PDE4B: variants seen among roughly 807,000 people sequenced by gnomAD.
The protein encoded by PDE4B is phosphodiesterase 4B.
A neutral mutation model predicts 82.2 loss-of-function variants in PDE4B; 20 were observed. The observed-to-expected ratio is 0.24, with a 90% confidence interval of 0.17 to 0.35. The LOEUF (loss-of-function observed/expected upper bound fraction) is 0.35. Ranked by LOEUF, PDE4B falls within the 10% of genes least tolerant of loss-of-function variation. The pLI, the probability that PDE4B is intolerant of heterozygous loss-of-function variation, is 1.00. For synonymous variants in PDE4B, 320 were observed against 318.9 expected, an observed-to-expected ratio of 1.00 and a Z score of -0.04; for missense variants, 655 against 907.2, an observed-to-expected ratio of 0.72 and a Z score of 3.57.
At chr1:66,174,195 G>C (rs12062877) in intron 3 of PDE4B, among the ~76,000 whole-genome samples, 1 of 152,112 alleles carries the variant, frequency 6.6e-6, no homozygotes, top group African/African-American at 2.4e-5. Flanking sequence ...ATTACACCAC[G>C]TCAATTAATT....
At chr1:66,358,532 G>A (rs947974906) in intron 9 of PDE4B, among the ~76,000 whole-genome samples, 10 of 151,908 alleles carry the variant, frequency 6.6e-5, no homozygotes, top group African/African-American at 2.2e-4. Flanking sequence ...AAAATAGCTG[G>A]GCATGGTGGT....
At chr1:66,148,588 T>C (rs1056491920) in intron 3 of PDE4B, among the ~76,000 whole-genome samples, 20 of 152,188 alleles carry the variant, frequency 1.3e-4, no homozygotes, top group African/African-American at 4.1e-4. Flanking sequence ...TCAACCACAT[T>C]TAAGTTTAAA....
chr1:66,290,732 A>G (rs1171443684), intron 7 of PDE4B, among the ~76,000 whole-genome samples: 1 of 152,192 alleles, frequency 6.6e-6, no homozygotes, highest in African/African-American at 2.4e-5. Flanking sequence ...ATCCCTTACT[A>G]GTATGCTAGC....
chr1:65,997,762 C>G (rs1344245722), intron 3 of PDE4B, among the ~76,000 whole-genome samples: 1 of 152,160 alleles, frequency 6.6e-6, no homozygotes, highest in African/African-American at 2.4e-5. Context: ...AGAAAAAGCC[C>G]TTGTCTTCAA....
At chr1:66,156,972 C>T (rs1646513637) in intron 3 of PDE4B, among the ~76,000 whole-genome samples, 1 of 152,162 alleles carries the variant, frequency 6.6e-6, no homozygotes. Context: ...AAGCTGATGG[C>T]TCCCAATTTC....
chr1:65,939,317 TG>T (rs1297930130), intron 3 of PDE4B, among the ~76,000 whole-genome samples: 1 of 152,074 alleles, frequency 6.6e-6, no homozygotes, highest in Admixed American at 6.6e-5. Context: ...GCCCTTGAAA[TG>T]AAGAGGCATC....
chr1:65,853,582 T>C (rs982551174), intron 1 of PDE4B, among the ~76,000 whole-genome samples: 4 of 151,738 alleles, frequency 2.6e-5, no homozygotes, highest in African/African-American at 9.7e-5. Flanking sequence ...CAGGCTAGAG[T>C]CCAGTGGCAC....
At chr1:66,138,066 C>T (rs1382694404) in intron 3 of PDE4B, among the ~76,000 whole-genome samples, 2 of 152,130 alleles carry the variant, frequency 1.3e-5, no homozygotes, top group African/African-American at 2.4e-5. Context: ...TATTAAATGA[C>T]AAAGCTAGGC....
intron 4 of PDE4B, among the ~76,000 whole-genome samples, chr1:66,251,424 A>G (rs1247190529): frequency 6.6e-6 from 1 of 152,214 alleles, no homozygotes; most frequent in Non-Finnish European, 1.5e-5. Context: ...AAATAATGCT[A>G]TTAATTTCTG....
intron 3 of PDE4B, among the ~76,000 whole-genome samples, chr1:66,081,532 T>A (rs1289661550): frequency 6.6e-6 from 1 of 152,138 alleles, no homozygotes; most frequent in Non-Finnish European, 1.5e-5. Flanking sequence ...CTATACTAAT[T>A]TCTCAAGTAG....
chr1:65,896,997 A>C (rs560256322), intron 1 of PDE4B, among the ~76,000 whole-genome samples: 30 of 152,288 alleles, frequency 2.0e-4, no homozygotes, highest in African/African-American at 7.2e-4. Context: ...ATGAGACTTA[A>C]CTGAAATGGT....
At chr1:66,177,508 T>C (rs1204048753) in intron 3 of PDE4B, among the ~76,000 whole-genome samples, 1 of 152,192 alleles carries the variant, frequency 6.6e-6, no homozygotes. Flanking sequence ...TTGACCCTCT[T>C]ACCTCCTTGA....
At chr1:66,228,362 T>G (rs989851539) in intron 3 of PDE4B, among the ~76,000 whole-genome samples, 2 of 152,112 alleles carry the variant, frequency 1.3e-5, no homozygotes, top group African/African-American at 4.8e-5. Flanking sequence ...CTAGCTGCAA[T>G]ATAAGAAATC....
At chr1:66,059,611 ACT>A (rs772810687) in intron 3 of PDE4B, among the ~76,000 whole-genome samples, 40 of 151,936 alleles carry the variant, frequency 2.6e-4, no homozygotes, top group Non-Finnish European at 4.1e-4. Context: ...GTGCAGGGAA[ACT>A]CTCATTTTGA....
chr1:65,828,180 C>G (rs532046246), intron 1 of PDE4B, among the ~76,000 whole-genome samples: 1 of 152,200 alleles, frequency 6.6e-6, no homozygotes, highest in South Asian at 2.1e-4. Context: ...AAAAATGGAT[C>G]TACACAACGA....
At chr1:65,838,251 A>G (rs1237958470) in intron 1 of PDE4B, among the ~76,000 whole-genome samples, 1 of 152,028 alleles carries the variant, frequency 6.6e-6, no homozygotes, top group Admixed American at 6.6e-5. Context: ...TCACTAATGC[A>G]TTTGTTATTT....
chr1:66,228,912 T>C (rs1356104191), intron 3 of PDE4B, among the ~76,000 whole-genome samples: 2 of 129,714 alleles, frequency 1.5e-5, no homozygotes, highest in African/African-American at 5.0e-5. Context: ...TCTTCTATAG[T>C]CTGCACTGCC....
intron 1 of PDE4B, among the ~76,000 whole-genome samples, chr1:65,818,685 C>CACAT (rs141035147): frequency 0.028 from 3,995 of 143,758 alleles, 123 homozygotes; most frequent in East Asian, 0.13. Context: ...CACACACACA[C>CACAT]ATATATATAT....
At chr1:66,190,693 A>T (rs1389582051) in intron 3 of PDE4B, among the ~76,000 whole-genome samples, 1 of 152,152 alleles carries the variant, frequency 6.6e-6, no homozygotes, top group Admixed American at 6.5e-5. Context: ...GGAAGAGTGC[A>T]GTATTAGGGT....
Sources: gnomAD v4.1 joint callset for allele counts (sites outside exome capture counted in the v4.1 genomes callset) on GRCh38, gnomAD v4.1.1 for gene constraint, MANE v1.5 for transcripts, NCBI Gene and HGNC (gene_info 2026-07-23, HGNC 2026-07-21) for gene names.